The following NRG2 variants were observed in gnomAD, a reference collection of about 807,000 sequenced individuals.
The protein encoded by NRG2 is neuregulin 2.
Under a neutral mutation model 73.9 loss-of-function variants are expected in NRG2, and 27 were observed. The observed-to-expected ratio is 0.37, with a 90% CI of 0.27 to 0.50. The LOEUF is 0.50. Among genes scored for constraint, NRG2 ranks in the 20% least tolerant of loss-of-function variants. The probability of loss-of-function intolerance (pLI) is 0.96; values close to 1 mark genes in which losing one functional copy is unlikely to be tolerated. For synonymous variants in NRG2, 532 were observed against 541.0 expected, an observed-to-expected ratio of 0.98 and a Z score of 0.23; for missense variants, 1,126 against 1,210.1, an observed-to-expected ratio of 0.93 and a Z score of 1.03.
chr5:139,851,887 C>T lies in NRG2; in HGVS notation c.1545-56G>A, dbSNP rs1259339993. On this transcript the variant is annotated intron_variant, in intron 8 of 9. Transcript: ENST00000361474. The surrounding 1 kb of genome is among the most constrained non-coding windows in gnomAD (Gnocchi z 4.2). ...GTCAGGAAGGGGCAGGGCGGCCCAG[C>T]AGGTGTGGTCCCATGGACCTCCCTG... 2.0e-6 allele frequency: 3 copies of T among 1,510,508 alleles called. No individual in the cohort carries two copies. The Admixed American group carries it at 5.4e-5, about 27-fold the overall frequency. 93.6% of individuals were successfully genotyped at this position (1,510,508 alleles called of 1,614,324 possible). A position where few individuals can be genotyped will look rare whatever the true frequency, so the allele number is the denominator to read the frequency against.
At chr5:140,041,951 G>A (rs1761956718) in intron 1 of NRG2, among the ~76,000 whole-genome samples, 1 of 152,128 alleles carries the variant, frequency 6.6e-6, no homozygotes, top group Non-Finnish European at 1.5e-5. Context: ...CGCAGACCCT[G>A]CCAGCCTGGG....
intron 1 of NRG2, among the ~76,000 whole-genome samples, chr5:139,941,245 A>G (rs1460027461): frequency 6.6e-6 from 1 of 152,244 alleles, no homozygotes; most frequent in African/African-American, 2.4e-5. Flanking sequence ...GCAAAAAATC[A>G]AACATTTTTT....
rs1765108825 is a variant in NRG2 at position 139,904,558 on chromosome 5, C to T, written c.701-17047G>A. On this transcript the variant is annotated intron_variant, in intron 1 of 9. Transcript: ENST00000361474. This position sits in a 1 kb window ranked among gnomAD's most constrained non-coding sequence, Gnocchi z 6.0. ...GAGCCTTAACTCTTCCCCTCCCGCG[C>T]CCTCCACCCTCGCCCCCCCTCCACC... Among the ~76,000 whole-genome samples the T allele has an allele frequency of 6.6e-6, 1 of 152,114 alleles. No homozygotes were observed. The highest frequency in any genetic ancestry group is 2.4e-5 in the African/African-American group (1 of 41,450).
At position 140,020,872 on chromosome 5, in the gene NRG2, T is replaced by C. The variant is rs558435151; in HGVS notation, c.700+21498A>G. On this transcript the variant is annotated intron_variant, in intron 1 of 9. Transcript: ENST00000361474. ...CAGACAAATTTCAGAGATGTTCATG[T>C]GTGGGGGTGGAGAGTAGGGTGAGTA... 2.0e-5 allele frequency among the ~76,000 whole-genome samples: 3 copies of C among 152,334 alleles called. No individual in the cohort carries two copies. The South Asian group carries it at 6.2e-4, about 32-fold the overall frequency.
At chr5:139,871,659 C>T in intron 4 of NRG2, 62 bp downstream of exon 4, 3 of 1,601,224 alleles carry the variant, frequency 1.9e-6, no homozygotes, top group Non-Finnish European at 1.7e-6. Context: ...GAGCCCTCCA[C>T]TTCTGACCCA....
At chr5:139,925,835 C>T (rs1358434748) in intron 1 of NRG2, among the ~76,000 whole-genome samples, 2 of 152,182 alleles carry the variant, frequency 1.3e-5, no homozygotes, top group Non-Finnish European at 2.9e-5. Flanking sequence ...GTCCATCCTC[C>T]TTCACCTGCC....
chr5:139,880,038 T>C (rs1763427684), intron 3 of NRG2, among the ~76,000 whole-genome samples: 1 of 152,126 alleles, frequency 6.6e-6, no homozygotes, highest in Admixed American at 6.5e-5. Flanking sequence ...TACAGGATTA[T>C]ATTCTGTGAT....
In NRG2 at chr5:139,968,785, C is replaced by T. The variant is rs530861423; in HGVS notation, c.700+73585G>A. 1.1e-4 allele frequency among the ~76,000 whole-genome samples: 16 copies of T among 152,374 alleles called. No homozygotes were observed. In the East Asian group the frequency reaches 3.1e-3, roughly 29 times the overall value. On this transcript the variant is annotated intron_variant, in intron 1 of 9. Coordinates refer to ENST00000361474, the MANE Select transcript of NRG2 (RefSeq NM_004883.3). Reference sequence around the variant, plus strand: ...AGCAAGAACCCAGCTCCATCACCCGCACAGGGCAGCAGAGGCATCCGCTGG... The same window carrying T: ...AGCAAGAACCCAGCTCCATCACCCGTACAGGGCAGCAGAGGCATCCGCTGG...
At chr5:139,889,527 G>A (rs987511414) in intron 1 of NRG2, among the ~76,000 whole-genome samples, 11 of 152,016 alleles carry the variant, frequency 7.2e-5, no homozygotes, top group Non-Finnish European at 1.6e-4. Flanking sequence ...CCGCACCCCC[G>A]AGTATTCACA....
intron 1 of NRG2, 68 bp downstream of exon 1, chr5:140,042,302 G>T (rs1217303199): frequency 1.4e-5 from 4 of 276,480 alleles, no homozygotes; most frequent in African/African-American, 5.5e-5. Flanking sequence ...GCACCTCCCC[G>T]CCCCACCCCC....
At chr5:139,854,899 G>A (rs1010112379) in intron 6 of NRG2, among the ~76,000 whole-genome samples, 1 of 152,120 alleles carries the variant, frequency 6.6e-6, no homozygotes, top group East Asian at 1.9e-4. Flanking sequence ...AAGGCCCTAT[G>A]GTACCATCTG....
chr5:140,021,727 C>T (rs1286658943), intron 1 of NRG2, among the ~76,000 whole-genome samples: 1 of 152,182 alleles, frequency 6.6e-6, no homozygotes, highest in Non-Finnish European at 1.5e-5. Flanking sequence ...GGCAGGGAGA[C>T]CTCTGAAGAG....
intron 1 of NRG2, among the ~76,000 whole-genome samples, chr5:139,906,136 T>C (rs976443566): frequency 1.3e-5 from 2 of 152,088 alleles, no homozygotes; most frequent in African/African-American, 4.8e-5. Flanking sequence ...GCCTCCTGAG[T>C]AGCTGGGATT....
At chr5:139,863,624 A>G (rs1023425126) in intron 5 of NRG2, among the ~76,000 whole-genome samples, 2 of 152,168 alleles carry the variant, frequency 1.3e-5, no homozygotes, top group Non-Finnish European at 2.9e-5. Context: ...CGAGAGGAAT[A>G]TTGCCCCACT....
chr5:139,865,218 G>C lies in NRG2; in HGVS notation c.1189+331C>G. ...CAGAAAGAGAGAGCCAGGATAGCAA[G>C]ACACAGGCATTGCAACACCCCGGCA... On this transcript the variant is annotated intron_variant, in intron 5 of 9. Transcript: ENST00000361474. This position sits in a 1 kb window ranked among gnomAD's most constrained non-coding sequence, Gnocchi z 5.2. 2 of 1,537,866 alleles carry C rather than the reference G, an allele frequency of 1.3e-6. No homozygotes were observed. Among genetic ancestry groups the C allele is most frequent in the Non-Finnish European group, 1.8e-6 (2 of 1,111,234 alleles).
At chr5:139,872,613 C>G (rs1387032437) in intron 3 of NRG2, among the ~76,000 whole-genome samples, 2 of 152,050 alleles carry the variant, frequency 1.3e-5, no homozygotes, top group African/African-American at 4.8e-5. Context: ...TCACGGGTTT[C>G]AAGTTGTTGG....
intron 1 of NRG2, among the ~76,000 whole-genome samples, chr5:139,974,348 G>T (rs1756212961): frequency 6.6e-6 from 1 of 152,090 alleles, no homozygotes; most frequent in African/African-American, 2.4e-5. Flanking sequence ...CTCTGTCCTT[G>T]GCAAAATGGG....
intron 1 of NRG2, among the ~76,000 whole-genome samples, chr5:139,999,863 C>A (rs1337146481): frequency 6.6e-6 from 1 of 152,172 alleles, no homozygotes; most frequent in African/African-American, 2.4e-5. Flanking sequence ...CCAGAGGGAA[C>A]CTGGGGATAT....
chr5:139,902,297 A>C (rs567830859), intron 1 of NRG2, among the ~76,000 whole-genome samples: 1 of 152,328 alleles, frequency 6.6e-6, no homozygotes, highest in Non-Finnish European at 1.5e-5. Flanking sequence ...TCACACCTGC[A>C]GTTCAGCCCC....
Sources: gnomAD v4.1 joint callset for allele counts (sites outside exome capture counted in the v4.1 genomes callset) on GRCh38, gnomAD v4.1.1 for gene constraint, Gnocchi (gnomAD v3.1) non-coding constraint, MANE v1.5 for transcripts, NCBI Gene and HGNC (gene_info 2026-07-23, HGNC 2026-07-21) for gene names.